The following B3GAT2 variants were observed in gnomAD, a reference collection of about 807,000 sequenced individuals.
The protein encoded by B3GAT2 is galactosylgalactosylxylosylprotein 3-beta-glucuronosyltransferase 2.
A neutral mutation model predicts 27.8 loss-of-function variants in B3GAT2; 26 were observed. That is an observed-to-expected ratio of 0.93 (90% CI 0.68 to 1.30). B3GAT2 has a LOEUF of 1.30. B3GAT2 is among the 50% of genes most tolerant of loss of function. The pLI, the probability that B3GAT2 is intolerant of heterozygous loss-of-function variation, is 0.00. For synonymous variants in B3GAT2, 218 were observed against 195.1 expected, an observed-to-expected ratio of 1.12 and a Z score of -0.98; for missense variants, 458 against 459.0, an observed-to-expected ratio of 1.00 and a Z score of 0.02.
intron 1 of B3GAT2, among the ~76,000 whole-genome samples, chr6:70,934,281 T>C (rs1261301168): frequency 6.6e-6 from 1 of 152,206 alleles, no homozygotes; most frequent in Non-Finnish European, 1.5e-5. Flanking sequence ...CATCCCTACA[T>C]ACGGCATAAG....
intron 1 of B3GAT2, among the ~76,000 whole-genome samples, chr6:70,934,828 T>A (rs923793895): frequency 4.6e-5 from 7 of 152,210 alleles, no homozygotes; most frequent in African/African-American, 1.7e-4. Flanking sequence ...GAATATATAA[T>A]CAACAACAAA....
In B3GAT2 at chr6:70,883,649, A is replaced by G. The variant is rs143857291; in HGVS notation, c.736+10479T>C. ...AAAGGTGTGGAGTTGGACAGTGGTT[A>G]TGGTTGCACAACAATGTGAATGAAT... On this transcript the variant is annotated intron_variant, in intron 2 of 3. Coordinates refer to ENST00000230053, the MANE Select transcript of B3GAT2 (RefSeq NM_080742.3). Among the ~76,000 whole-genome samples the G allele has an allele frequency of 6.3e-3, 959 of 152,272 alleles. 11 individuals are homozygous for G. The highest frequency in any genetic ancestry group is 0.022 in the African/African-American group (913 of 41,544).
chr6:70,861,851 C>T lies in B3GAT2; in HGVS notation c.864G>A (p.Pro288=), dbSNP rs368372004. The change falls in exon 3 of 4, where the codon CCG becomes CCA. Residue 288 remains proline (P), a synonymous_variant. Coordinates refer to ENST00000230053, the MANE Select transcript of B3GAT2 (RefSeq NM_080742.3). ...ATACCTTAGTGCAGTTATTTGCTTTCGGTTCCAGTTCTTCGACTGTTGTTA... is the reference window on the plus strand; with the variant it reads ...ATACCTTAGTGCAGTTATTTGCTTTTGGTTCCAGTTCTTCGACTGTTGTTA... ...KQITTVEELE[P]KANNCTKVLV... is the part of the protein sequence containing the mutation. The T allele has an allele frequency of 4.2e-5, 67 of 1,613,944 alleles. No individual in the cohort carries two copies. Among genetic ancestry groups the T allele is most frequent in the East Asian group, 1.6e-4 (7 of 44,888 alleles).
chr6:70,864,409 GAAGCT>G (rs1771816736), intron 2 of B3GAT2, among the ~76,000 whole-genome samples: 1 of 152,182 alleles, frequency 6.6e-6, no homozygotes, highest in African/African-American at 2.4e-5. Flanking sequence ...AGCCAGTTGT[GAAGCT>G]ATACATCATT....
intron 2 of B3GAT2, among the ~76,000 whole-genome samples, chr6:70,866,395 A>G (rs962197289): frequency 6.6e-6 from 1 of 152,226 alleles, no homozygotes; most frequent in African/African-American, 2.4e-5. Context: ...ATACATATGT[A>G]TTTATAATAT....
At position 70,856,957 on chromosome 6, in the gene B3GAT2, A is replaced by G; in HGVS notation, c.*4706T>C. The G allele has an allele frequency of 6.2e-7, 1 of 1,614,036 alleles. No individual in the cohort carries two copies. The highest frequency in any genetic ancestry group is 8.5e-7 in the Non-Finnish European group (1 of 1,179,908). On this transcript the variant is annotated 3_prime_UTR_variant, in exon 4 of 4. Coordinates refer to ENST00000230053, the MANE Select transcript of B3GAT2 (RefSeq NM_080742.3). ...AAACTACAAAATCAGAAGAAGTGGC[A>G]AAGAAACAACTTTCCAAAGACTCCA...
At chr6:70,952,716 A>G (rs755532086) in intron 1 of B3GAT2, among the ~76,000 whole-genome samples, 1 of 152,194 alleles carries the variant, frequency 6.6e-6, no homozygotes, top group Non-Finnish European at 1.5e-5. Context: ...TCCTTCTCCA[A>G]TGAACAGGCC....
intron 1 of B3GAT2, among the ~76,000 whole-genome samples, chr6:70,924,479 A>C (rs918289868): frequency 6.6e-6 from 1 of 152,338 alleles, no homozygotes; most frequent in South Asian, 2.1e-4. Flanking sequence ...AAGAATAAGT[A>C]AGTCACACTT....
chr6:70,863,478 C>A (rs555412797), intron 2 of B3GAT2, among the ~76,000 whole-genome samples: 2 of 152,176 alleles, frequency 1.3e-5, no homozygotes, highest in African/African-American at 4.8e-5. Context: ...GCCCCAGTAT[C>A]GATACCTCCA....
At position 70,870,285 on chromosome 6, in the gene B3GAT2, G is replaced by T. The variant is rs190369295; in HGVS notation, c.737-8307C>A. On this transcript the variant is annotated intron_variant, in intron 2 of 3. Transcript: ENST00000230053. ...AAACCATCATTCTCAGCAAACTATCGCAAGGACAAAGAACCAAACACCGCA... is the reference window on the plus strand; with the variant it reads ...AAACCATCATTCTCAGCAAACTATCTCAAGGACAAAGAACCAAACACCGCA... Among the ~76,000 whole-genome samples, 26 of 150,110 alleles carry T rather than the reference G, an allele frequency of 1.7e-4. No individual in the cohort carries two copies. The East Asian group carries it at 5.2e-3, about 30-fold the overall frequency.
rs931349897 is a variant in B3GAT2 at position 70,859,550 on chromosome 6, G to A, written c.*2113C>T. 7.2e-6 allele frequency: 4 copies of A among 558,698 alleles called. No individual in the cohort carries two copies. The highest frequency in any genetic ancestry group is 1.2e-5 in the Non-Finnish European group (4 of 332,378). 34.6% of individuals were successfully genotyped at this position (558,698 alleles called of 1,614,324 possible). On this transcript the variant is annotated 3_prime_UTR_variant, in exon 4 of 4. Coordinates refer to ENST00000230053, the MANE Select transcript of B3GAT2 (RefSeq NM_080742.3). ...GAACACAGTCTAACTCTGAGTGTAAGTTTTAAACCCACTCACTATATGGTA... is the reference window on the plus strand; with the variant it reads ...GAACACAGTCTAACTCTGAGTGTAAATTTTAAACCCACTCACTATATGGTA...
At chr6:70,927,060 C>T (rs775818449) in intron 1 of B3GAT2, among the ~76,000 whole-genome samples, 219 of 152,284 alleles carry the variant, frequency 1.4e-3, no homozygotes, top group Non-Finnish European at 2.7e-3. Flanking sequence ...CCCAGAATTT[C>T]ATATCCAGCC....
chr6:70,897,658 G>GAA (rs71538453), intron 1 of B3GAT2, among the ~76,000 whole-genome samples: 3 of 134,964 alleles, frequency 2.2e-5, no homozygotes, highest in Non-Finnish European at 4.8e-5. Context: ...AGAACTGCTT[G>GAA]AAAAAAAAAA....
intron 1 of B3GAT2, among the ~76,000 whole-genome samples, chr6:70,915,389 T>C (rs983160359): frequency 1.3e-5 from 2 of 152,258 alleles, no homozygotes; most frequent in Non-Finnish European, 2.9e-5. Context: ...TATTTTGCTG[T>C]GCAGAAGCTG....
chr6:70,956,516 C>A lies in B3GAT2; in HGVS notation c.-87G>T. 6.5e-7 allele frequency: 1 copy of A among 1,535,238 alleles called. No homozygotes were observed. The highest frequency in any genetic ancestry group is 8.8e-7 in the Non-Finnish European group (1 of 1,141,106). ...GCAGCTTGGACAGCGGCGGCGCCAGCACTTAGGGAGTGGTGATGGGTGCGC... is the reference window on the plus strand; with the variant it reads ...GCAGCTTGGACAGCGGCGGCGCCAGAACTTAGGGAGTGGTGATGGGTGCGC... On this transcript the variant is annotated 5_prime_UTR_variant, in exon 1 of 4. Transcript: ENST00000230053.
chr6:70,894,159 T>G lies in B3GAT2; in HGVS notation c.705A>C (p.Arg235Ser). The change falls in exon 2 of 4, where the codon AGA becomes AGC. Residue 235 changes from arginine to serine, a missense_variant. Transcript: ENST00000230053. ...GKVVGWYTGW[R>S]ADRPFAIDMA... ...TGTCGATGGCAAAAGGCCTGTCTGC[T>G]CTCCAGCCGGTGTACCAGCCAACAA... is the stretch of plus-strand genomic sequence containing the variant. The G allele has an allele frequency of 6.2e-7, 1 of 1,613,338 alleles. No homozygotes were observed. The highest frequency in any genetic ancestry group is 8.5e-7 in the Non-Finnish European group (1 of 1,179,542).
At position 70,904,982 on chromosome 6, in the gene B3GAT2, C is replaced by A. The variant is rs556019182; in HGVS notation, c.592-10710G>T. ...GCTTCATTGGATGCAAAGAGGAAGA[C>A]AATATAACCTATGTGGTGTCCTTGA... On this transcript the variant is annotated intron_variant, in intron 1 of 3. Transcript: ENST00000230053. Among the ~76,000 whole-genome samples, 24 of 152,172 alleles carry A rather than the reference C, an allele frequency of 1.6e-4. No individual in the cohort carries two copies. The East Asian group carries it at 2.5e-3, about 16-fold the overall frequency.
intron 2 of B3GAT2, among the ~76,000 whole-genome samples, chr6:70,874,261 A>T (rs945518515): frequency 2.0e-5 from 3 of 152,124 alleles, no homozygotes; most frequent in Non-Finnish European, 4.4e-5. Context: ...TAACTTTGTA[A>T]AGTCTGTGTT....
rs1438632344 is a variant in B3GAT2 at position 70,856,806 on chromosome 6, A to G, written c.*4857T>C. 4.7e-6 allele frequency: 7 copies of G among 1,492,738 alleles called. No homozygotes were observed. In the South Asian group the frequency reaches 9.9e-5, roughly 21 times the overall value. 92.5% of individuals were successfully genotyped at this position (1,492,738 alleles called of 1,614,324 possible). A position where few individuals can be genotyped will look rare whatever the true frequency, so the allele number is the denominator to read the frequency against. ...TTTATTTGGATTTTAAGTAATGGAT[A>G]AGCTGCGCTTTACTATGCAGAATTT... On this transcript the variant is annotated 3_prime_UTR_variant, in exon 4 of 4. Transcript: ENST00000230053.
Sources: gnomAD v4.1 joint callset for allele counts (sites outside exome capture counted in the v4.1 genomes callset) on GRCh38, gnomAD v4.1.1 for gene constraint, MANE v1.5 for transcripts, NCBI Gene and HGNC (gene_info 2026-07-23, HGNC 2026-07-21) for gene names.